The following FAT1 variants were observed in gnomAD, a reference collection of about 807,000 sequenced individuals.
FAT1 encodes the protein protocadherin Fat 1.
A neutral mutation model predicts 329.8 loss-of-function variants in FAT1; 171 were observed. That is an observed-to-expected ratio of 0.52 (90% confidence interval 0.46 to 0.59). FAT1 has a LOEUF of 0.59. Ranked by LOEUF, FAT1 falls within the 20% of genes least tolerant of loss-of-function variation. The pLI is 0.00. For synonymous variants in FAT1, 2,233 were observed against 2,228.6 expected (o/e 1.00, Z -0.06); for missense variants, 5,672 against 5,774.4 (o/e 0.98, Z 0.57).
rs766084881 is a variant in FAT1, at chr4:186,609,846, C to A, written c.10023G>T (p.Thr3341=). Residue 3341 remains threonine (T), a synonymous_variant, in exon 15 of 27, where the codon ACG becomes ACT. Coordinates refer to ENST00000441802, the MANE Select transcript of FAT1 (RefSeq NM_005245.4). ...NTPVFSQDTY[T]TVISEDAVLE... is the part of the protein sequence containing the mutation. ...GAACGGCATCTTCACTGATGACTGT[C>A]GTGTAGGTGTCTTGGCTGAACACAG... is the stretch of plus-strand genomic sequence containing the variant. 6.2e-7 allele frequency: 1 copy of A among 1,613,824 alleles called. No individual in the cohort carries two copies.
chr4:186,719,198 A>T (rs1273111739), intron 1 of FAT1, among the ~76,000 whole-genome samples: 4 of 151,848 alleles, frequency 2.6e-5, no homozygotes, highest in Non-Finnish European at 4.4e-5. Flanking sequence ...ATCATGAAGG[A>T]TCAGTGCACC....
rs1416934710 is a variant in FAT1, at chr4:186,621,251, A to C, written c.5335T>G (p.Ser1779Ala). Residue 1779 changes from serine (S) to alanine (A), a missense_variant, in exon 10 of 27, where the codon TCA (serine) becomes GCA (alanine). Ser to Ala is a moderately conservative substitution (Grantham distance 99). This residue lies in a region of FAT1 where 3,966 missense variants were observed against 3,915.2 expected (regional missense o/e 1.01). Coordinates refer to ENST00000441802, the MANE Select transcript of FAT1 (RefSeq NM_005245.4). ...TCTGTTAGGACCACGCTGTTAATTG[A>C]GGCTGATTCACTAATGAGTCCTGTA... The part of the protein sequence containing the change: ...EYTGLISESA[S>A]INSVVLTDRN... 6.2e-7 allele frequency: 1 copy of C among 1,614,020 alleles called. No homozygotes were observed. The highest frequency in any genetic ancestry group is 8.5e-7 in the Non-Finnish European group (1 of 1,179,884).
At chr4:186,720,244 C>G (rs1352810571) in intron 1 of FAT1, among the ~76,000 whole-genome samples, 2 of 152,188 alleles carry the variant, frequency 1.3e-5, no homozygotes, top group African/African-American at 2.4e-5. Context: ...TCCTCACATA[C>G]AGCTTATTTG....
chr4:186,673,102 T>C (rs2126634665), intron 2 of FAT1, among the ~76,000 whole-genome samples: 1 of 152,314 alleles, frequency 6.6e-6, no homozygotes, highest in South Asian at 2.1e-4. Flanking sequence ...TAAAATATGA[T>C]GCTACTGCTG....
Position 186,620,465 on chromosome 4 carries a change from G to A in FAT1, c.6121C>T (p.Arg2041Cys), listed in dbSNP as rs372908534. The change falls in exon 10 of 27, where the codon CGT (arginine) becomes TGT (cysteine). Residue 2041 changes from arginine (R) to cysteine (C), a missense_variant. By Grantham distance (180) the Arg-to-Cys change is radical. This residue lies in a region of FAT1 where 3,966 missense variants were observed against 3,915.2 expected (regional missense o/e 1.01). Coordinates refer to ENST00000441802, the MANE Select transcript of FAT1 (RefSeq NM_005245.4). The stretch of plus-strand genomic sequence containing the variant: ...ACATCAAACGCCTCCTGCTGCTCAC[G>A]ATCGAAGGGCGTGCCAGTGGTTGAC... ...VLSTTGTPFD[R>C]EQQEAFDVVV... 16 of 1,613,886 alleles carry A rather than the reference G, an allele frequency of 9.9e-6. No homozygotes were observed. The highest frequency in any genetic ancestry group is 2.7e-5 in the African/African-American group (2 of 74,926).
Position 186,621,785 on chromosome 4 carries a change from G to A in FAT1, c.4811-10C>T. 6.6e-7 allele frequency: 1 copy of A among 1,519,896 alleles called. No individual in the cohort carries two copies. Among genetic ancestry groups the A allele is most frequent in the Admixed American group, 2.2e-5 (1 of 45,214 alleles). 94.2% of individuals were successfully genotyped at this position (1,519,896 alleles called of 1,614,324 possible). ...GAATTTCCAATATTTCCTGGAAGGA[G>A]AGGAAAAAATACATGTTACAGAAAA... is the stretch of plus-strand genomic sequence containing the variant. On this transcript the variant is annotated splice_polypyrimidine_tract_variant and intron_variant, in intron 9 of 26. Coordinates refer to ENST00000441802, the MANE Select transcript of FAT1 (RefSeq NM_005245.4).
chr4:186,614,099 G>A (rs956260817), intron 12 of FAT1, 92 bp downstream of exon 12: 29 of 1,162,712 alleles, frequency 2.5e-5, no homozygotes, highest in African/African-American at 3.2e-5. Flanking sequence ...AGGGCAAAAT[G>A]TAATTTCAAA....
intron 1 of FAT1, among the ~76,000 whole-genome samples, chr4:186,718,951 AC>A (rs1195505093): frequency 1.8e-4 from 27 of 152,184 alleles, no homozygotes; most frequent in Admixed American, 7.9e-4. Flanking sequence ...CACCTTTGAC[AC>A]CACTCACTCC....
Position 186,589,204 on chromosome 4 carries a change from T to C in FAT1, c.13155A>G (p.Thr4385=). The part of the protein sequence containing the change: ...SCDDNGYHWD[T]SDWMPSVPLP... ...GAGGAACGCTTGGCATCCAATCTGA[T>C]GTATCCCAGTGATACCCTTGGTGGA... is the stretch of plus-strand genomic sequence containing the variant. The change falls in exon 27 of 27, where the codon ACA becomes ACG. Residue 4385 remains threonine, a synonymous_variant. Coordinates refer to ENST00000441802, the MANE Select transcript of FAT1 (RefSeq NM_005245.4). 4 of 1,609,146 alleles carry C rather than the reference T, an allele frequency of 2.5e-6. No homozygotes were observed. Among genetic ancestry groups the C allele is most frequent in the Non-Finnish European group, 3.4e-6 (4 of 1,177,680 alleles).
chr4:186,678,577 T>C (rs1743056197), intron 2 of FAT1, among the ~76,000 whole-genome samples: 1 of 148,826 alleles, frequency 6.7e-6, no homozygotes, highest in South Asian at 2.1e-4. Context: ...TTGTCATTAA[T>C]ATCAATTATT....
At chr4:186,613,409 C>A in intron 12 of FAT1, 67 bp from the exon 13 acceptor site, 1 of 1,216,738 alleles carries the variant, frequency 8.2e-7, no homozygotes, top group South Asian at 1.2e-5. Flanking sequence ...CATCTTATTT[C>A]CTCCCCTTTT....
intron 6 of FAT1, among the ~76,000 whole-genome samples, chr4:186,635,605 C>T (rs751582730): frequency 6.6e-6 from 1 of 152,112 alleles, no homozygotes; most frequent in Non-Finnish European, 1.5e-5. Context: ...GTCACACAGG[C>T]ATAGTTACTT....
At chr4:186,652,464 A>T (rs999543137) in intron 3 of FAT1, among the ~76,000 whole-genome samples, 4 of 152,362 alleles carry the variant, frequency 2.6e-5, no homozygotes, top group African/African-American at 7.2e-5. Flanking sequence ...GTCATCATCA[A>T]CATCGGCAGA....
At chr4:186,654,766 C>G (rs1487917497) in intron 3 of FAT1, among the ~76,000 whole-genome samples, 1 of 152,096 alleles carries the variant, frequency 6.6e-6, no homozygotes, top group Non-Finnish European at 1.5e-5. Context: ...TAAAAACTAG[C>G]TGGTCGTGGT....
At chr4:186,675,257 C>A (rs1280646404) in intron 2 of FAT1, among the ~76,000 whole-genome samples, 5 of 150,914 alleles carry the variant, frequency 3.3e-5, no homozygotes, top group Admixed American at 6.6e-5. Flanking sequence ...GGCAGATCAA[C>A]AGAAACGTTT....
intron 2 of FAT1, among the ~76,000 whole-genome samples, chr4:186,665,445 GTGA>G (rs888949030): frequency 1.9e-4 from 27 of 139,178 alleles, no homozygotes; most frequent in African/African-American, 8.6e-4. Context: ...CTGATGGCCA[GTGA>G]TGATGAGCAT....
chr4:186,632,408 C>T (rs892190761), intron 7 of FAT1, among the ~76,000 whole-genome samples: 41 of 152,042 alleles, frequency 2.7e-4, no homozygotes, highest in African/African-American at 9.4e-4. Flanking sequence ...TCAGAATTAT[C>T]CTATTAGATT....
intron 2 of FAT1, among the ~76,000 whole-genome samples, chr4:186,676,173 C>T (rs925137797): frequency 2.0e-5 from 3 of 151,402 alleles, no homozygotes; most frequent in African/African-American, 7.3e-5. Flanking sequence ...ATCTTTTACA[C>T]AAAGACCAAA....
chr4:186,601,661 G>A (rs897578867), intron 20 of FAT1: 4 of 368,806 alleles, frequency 1.1e-5, no homozygotes, highest in Admixed American at 8.3e-5. Flanking sequence ...GAATTCTAAA[G>A]TAATGAAAGA....
Sources: allele counts gnomAD v4.1 joint callset (sites outside exome capture counted in the v4.1 genomes callset), GRCh38; gene constraint gnomAD v4.1.1; regional missense constraint gnomAD v4.1.1; transcripts MANE v1.5; gene names NCBI Gene and HGNC (gene_info 2026-07-23, HGNC 2026-07-21).